Variants in UPF3B observed in about 807,000 individuals in gnomAD.
UPF3B encodes UPF3B regulator of nonsense mediated mRNA decay, also known as regulator of nonsense transcripts 3B.
Under a neutral mutation model 40.3 loss-of-function variants are expected in UPF3B, and 7 were observed. The ratio of observed to expected loss-of-function variants is 0.17; its 90% CI spans 0.10 to 0.33. The LOEUF (loss-of-function observed/expected upper bound fraction) is 0.33, where lower values mean the gene tolerates loss of function less well. Among genes scored for constraint, UPF3B ranks in the 10% least tolerant of loss-of-function variants. The probability of loss-of-function intolerance (pLI) is 1.00; values close to 1 mark genes in which losing one functional copy is unlikely to be tolerated. For synonymous variants in UPF3B, 117 were observed against 117.3 expected (o/e 1.00, Z 0.01); for missense variants, 229 against 358.9 (o/e 0.64, Z 2.93).
downstream of UPF3B, among the ~76,000 whole-genome samples, chrX:119,832,144 G>A (rs1276125373): frequency 8.9e-6 from 1 of 111,759 alleles, no homozygotes; most frequent in Non-Finnish European, 1.9e-5. Context: ...ATTTTTAGTA[G>A]AGATGGGGTC....
At chrX:119,849,332 A>C (rs2056272414) in intron 3 of UPF3B, among the ~76,000 whole-genome samples, 1 of 109,911 alleles carries the variant, frequency 9.1e-6, no homozygotes. Flanking sequence ...CATCTCCTAA[A>C]ATTACAAAAA....
intron 5 of UPF3B, among the ~76,000 whole-genome samples, chrX:119,811,205 T>A (rs2055825652): frequency 9.1e-6 from 1 of 109,387 alleles, no homozygotes. Context: ...CACACAGCAA[T>A]TTTTTTTTCT....
intron 3 of UPF3B, among the ~76,000 whole-genome samples, chrX:119,846,137 C>T (rs112506737): frequency 0.049 from 5,374 of 109,989 alleles, 118 homozygotes; most frequent in East Asian, 0.15. Flanking sequence ...AGTTTGAGAC[C>T]TGCCTGGCCA....
intron 3 of UPF3B, among the ~76,000 whole-genome samples, chrX:119,826,296 C>A (rs1047653681): frequency 9.0e-6 from 1 of 110,752 alleles, no homozygotes; most frequent in African/African-American, 3.3e-5. Context: ...GCCTCGCCAA[C>A]ATGGTGAAAC....
intron 3 of UPF3B, among the ~76,000 whole-genome samples, chrX:119,848,893 C>T (rs1424189824): frequency 9.0e-6 from 1 of 111,487 alleles, no homozygotes; most frequent in Non-Finnish European, 1.9e-5. Context: ...GGAATTAGTA[C>T]TGATGGTTGT....
intron 6 of UPF3B, among the ~76,000 whole-genome samples, chrX:119,807,052 G>GGA (rs2147748521): frequency 1.5e-5 from 1 of 67,921 alleles, no homozygotes; most frequent in African/African-American, 6.0e-5. Context: ...AAAAAAAAAA[G>GGA]AAAAAAAAAA....
intron 10 of UPF3B, among the ~76,000 whole-genome samples, chrX:119,835,554 G>C (rs1398891629): frequency 1.8e-5 from 2 of 112,083 alleles, no homozygotes; most frequent in Non-Finnish European, 3.8e-5. Flanking sequence ...AGTTTTAAAG[G>C]AAGCACAGAA....
rs1195274432 is a variant in UPF3B at position 119,839,154 on chromosome X, G to A, written c.847-627C>T. 5.4e-5 allele frequency among the ~76,000 whole-genome samples: 6 copies of A among 111,754 alleles called. No individual in the cohort carries two copies. The East Asian group carries it at 1.7e-3, about 31-fold the overall frequency. On this transcript the variant is annotated intron_variant, in intron 8 of 10. Transcript: ENST00000276201. ...GTATGCTTCTGTAGCAAACCAGCAT[G>A]TTGATATAACTTAATGGGAAACAGC...
chrX:119,850,062 G>A (rs1046729962), intron 3 of UPF3B, among the ~76,000 whole-genome samples: 6 of 101,363 alleles, frequency 5.9e-5, no homozygotes, highest in Admixed American at 2.1e-4. Flanking sequence ...GGCTGAGGTG[G>A]GGGGGGGGAA....
intron 9 of UPF3B, 48 bp from the exon 10 acceptor site, chrX:119,838,099 C>T: frequency 1.7e-6 from 2 of 1,195,375 alleles, no homozygotes; most frequent in Non-Finnish European, 2.3e-6. Flanking sequence ...ATCTTGTAAT[C>T]ACAAATGCAG....
downstream of UPF3B, chrX:119,831,699 G>A: frequency 1.3e-6 from 1 of 754,877 alleles, no homozygotes; most frequent in Non-Finnish European, 1.6e-6. Flanking sequence ...CTGTCATCAG[G>A]AAAATAGTGT....
downstream of UPF3B, chrX:119,831,728 C>A (rs1216617708): frequency 4.0e-6 from 3 of 752,428 alleles, no homozygotes; most frequent in Non-Finnish European, 4.7e-6. Context: ...GCTTTGAACT[C>A]CTGGATGGTA....
rs2056301594 is a variant in UPF3B, at chrX:119,851,500, T to C, written c.365A>G (p.Asn122Ser). Residue 122 changes from asparagine to serine, a missense_variant, in exon 3 of 11, where the codon AAT becomes AGT. Asn to Ser is a conservative substitution (Grantham distance 46). Coordinates refer to ENST00000276201, the MANE Select transcript of UPF3B (RefSeq NM_080632.3). ...DRFDGYVFLD[N>S]KGQEYPAIVE... ...CTTCAGTTACCAGGACTCACCTTTATTGTCAAGGAATACATAACCATCAAA... is the reference window on the plus strand; with the variant it reads ...CTTCAGTTACCAGGACTCACCTTTACTGTCAAGGAATACATAACCATCAAA... 1.3e-5 allele frequency: 15 copies of C among 1,195,080 alleles called. No individual in the cohort carries two copies. Among genetic ancestry groups the C allele is most frequent in the Admixed American group, 2.2e-5 (1 of 45,986 alleles).
intron 4 of UPF3B, 132 bp from the exon 5 acceptor site, chrX:119,843,433 C>T (rs1228778246): frequency 2.1e-6 from 1 of 469,732 alleles, no homozygotes; most frequent in Non-Finnish European, 3.6e-6. Context: ...CCAAACCATA[C>T]CCACAAGGTA....
In UPF3B at chrX:119,845,990, T is replaced by TATGTATACATTTCATA. The variant is rs1250948820; in HGVS notation, c.371-710_371-695dup. Reference sequence around the variant, plus strand: ...TTTCATAATGTATATATGTATACAATATGTATACATTTCATAATGTATACA... The same window carrying TATGTATACATTTCATA: ...TTTCATAATGTATATATGTATACAATATGTATACATTTCATAATGTATACATTTCATAATGTATACA... On this transcript the variant is annotated intron_variant, in intron 3 of 10. Coordinates refer to ENST00000276201, the MANE Select transcript of UPF3B (RefSeq NM_080632.3). 5.8e-4 allele frequency among the ~76,000 whole-genome samples: 64 copies of TATGTATACATTTCATA among 110,863 alleles called. 1 individual carries two copies. The highest frequency in any genetic ancestry group is 5.6e-3 in the Admixed American group (58 of 10,297).
chrX:119,831,447 T>C (rs776270192), downstream of UPF3B, among the ~76,000 whole-genome samples: 67 of 110,666 alleles, frequency 6.1e-4, no homozygotes, highest in African/African-American at 2.0e-3. Flanking sequence ...GCCTCCCAAG[T>C]AGCTGGGACT....
At chrX:119,806,059 A>C (rs1603364513) in intron 6 of UPF3B, among the ~76,000 whole-genome samples, 1 of 78,668 alleles carries the variant, frequency 1.3e-5, no homozygotes, top group East Asian at 3.9e-4. Flanking sequence ...CATTATTCAC[A>C]ATAGCAAAGA....
downstream of UPF3B, among the ~76,000 whole-genome samples, chrX:119,829,493 A>G (rs2056015380): frequency 8.9e-6 from 1 of 111,878 alleles, no homozygotes; most frequent in African/African-American, 3.2e-5. Context: ...TAGGTCATCA[A>G]TGATTTGCAA....
At chrX:119,833,626 C>T (rs2056059534), downstream of UPF3B, among the ~76,000 whole-genome samples, 1 of 111,989 alleles carries the variant, frequency 8.9e-6, no homozygotes, top group Admixed American at 9.5e-5. Context: ...CGTGCCTCAG[C>T]CTCCCGAGTA....
Sources: allele counts gnomAD v4.1 joint callset (sites outside exome capture counted in the v4.1 genomes callset), GRCh38; gene constraint gnomAD v4.1.1; transcripts MANE v1.5; gene names NCBI Gene and HGNC (gene_info 2026-07-23, HGNC 2026-07-21).